KLHL20: variants seen among roughly 807,000 people sequenced by gnomAD.
KLHL20 encodes kelch like family member 20.
KLHL20 carries 29 observed loss-of-function variants against 69.5 expected under a neutral mutation model. The ratio of observed to expected loss-of-function variants is 0.42; its 90% CI spans 0.31 to 0.57. The LOEUF (loss-of-function observed/expected upper bound fraction) is 0.57, where lower values mean the gene tolerates loss of function less well. Ranked by LOEUF, KLHL20 falls within the 20% of genes least tolerant of loss-of-function variation. The pLI, the probability that KLHL20 is intolerant of heterozygous loss-of-function variation, is 0.18. For missense variants in KLHL20, 419 were observed against 776.0 expected, an observed-to-expected ratio of 0.54 and a Z score of 5.47; for synonymous variants, 253 against 265.2, an observed-to-expected ratio of 0.95 and a Z score of 0.45.
rs1190612658 is a variant in KLHL20, at chr1:173,785,650, A to AT, written c.*405dup. 1.3e-5 allele frequency: 2 copies of AT among 152,408 alleles called. No homozygotes were observed. The highest frequency in any genetic ancestry group is 4.8e-5 in the African/African-American group (2 of 41,450). The allele number at this position is 152,408 out of a possible 1,614,324, so 9.4% of individuals were successfully genotyped here. On this transcript the variant is annotated 3_prime_UTR_variant, in exon 12 of 12. Transcript: ENST00000209884. ...TATTTCTAGACACTCCATCCACATG[A>AT]TTCCACTAACAAGGATTACCAGGAA...
intron 2 of KLHL20, among the ~76,000 whole-genome samples, chr1:173,722,771 C>T (rs1250801066): frequency 6.6e-6 from 1 of 150,392 alleles, no homozygotes; most frequent in Admixed American, 6.7e-5. Flanking sequence ...TTCACCGCAA[C>T]CTCTGCCTCC....
chr1:173,727,062 G>A (rs895008164), intron 2 of KLHL20, among the ~76,000 whole-genome samples: 2 of 152,146 alleles, frequency 1.3e-5, no homozygotes, highest in Non-Finnish European at 2.9e-5. Context: ...AGGACCTGAT[G>A]GAGCTGAAAA....
intron 2 of KLHL20, among the ~76,000 whole-genome samples, chr1:173,716,436 C>T (rs1671473573): frequency 6.6e-6 from 1 of 152,066 alleles, no homozygotes; most frequent in Non-Finnish European, 1.5e-5. Context: ...TTATAATATA[C>T]TGTACTGCAT....
chr1:173,733,689 C>G (rs1437315029), intron 2 of KLHL20, 24 bp from the exon 3 acceptor site: 2 of 1,535,946 alleles, frequency 1.3e-6, no homozygotes, highest in Non-Finnish European at 1.8e-6. Flanking sequence ...GCCATCTTCT[C>G]TCTCTCCCCC....
intron 5 of KLHL20, among the ~76,000 whole-genome samples, 191 bp from the exon 6 acceptor site, chr1:173,755,732 C>T (rs1673522777): frequency 1.3e-5 from 2 of 152,174 alleles, no homozygotes; most frequent in Admixed American, 1.3e-4. Flanking sequence ...AAATACCAAT[C>T]AATTCACAAC....
intron 2 of KLHL20, among the ~76,000 whole-genome samples, chr1:173,730,578 T>C (rs1318975329): frequency 6.6e-6 from 1 of 151,632 alleles, no homozygotes; most frequent in Non-Finnish European, 1.5e-5. Context: ...TATCTACAAC[T>C]ATCTGATCTT....
chr1:173,736,325 T>C (rs1672532073), intron 3 of KLHL20, among the ~76,000 whole-genome samples: 4 of 152,136 alleles, frequency 2.6e-5, no homozygotes. Flanking sequence ...CTTTATCCAC[T>C]TGTTGATTGA....
At position 173,734,295 on chromosome 1, in the gene KLHL20, C is replaced by T. The variant is rs1672424796; in HGVS notation, c.597+9C>T. The stretch of plus-strand genomic sequence containing the variant: ...AACATAACTTTCAAGAGGTGAGTTG[C>T]ACTTGGTGTTCCAATGCACCCATTT... On this transcript the variant is annotated intron_variant, in intron 3 of 11. Transcript: ENST00000209884. 2.5e-6 allele frequency: 4 copies of T among 1,613,030 alleles called. No homozygotes were observed. The highest frequency in any genetic ancestry group is 1.1e-5 in the South Asian group (1 of 91,030).
chr1:173,779,625 A>G (rs1648721846), intron 10 of KLHL20, among the ~76,000 whole-genome samples: 1 of 152,162 alleles, frequency 6.6e-6, no homozygotes, highest in Non-Finnish European at 1.5e-5. Flanking sequence ...TGCTGGGATT[A>G]TAGACATAAG....
chr1:173,725,246 A>C (rs1329124087), intron 2 of KLHL20, among the ~76,000 whole-genome samples: 1 of 152,250 alleles, frequency 6.6e-6, no homozygotes, highest in African/African-American at 2.4e-5. Flanking sequence ...CATGAATTAC[A>C]GTTATTAAAT....
intron 3 of KLHL20, among the ~76,000 whole-genome samples, chr1:173,741,340 AC>A (rs1274557681): frequency 1.3e-5 from 2 of 152,140 alleles, no homozygotes; most frequent in African/African-American, 4.8e-5. Flanking sequence ...GCCATTTTTT[AC>A]ATATTTTCTA....
intron 11 of KLHL20, among the ~76,000 whole-genome samples, chr1:173,783,697 G>A (rs1479295083): frequency 2.0e-5 from 3 of 151,914 alleles, no homozygotes; most frequent in South Asian, 4.2e-4. Flanking sequence ...ATGAAACCTC[G>A]TCTCTACTAA....
intron 3 of KLHL20, among the ~76,000 whole-genome samples, chr1:173,738,462 A>G (rs942008871): frequency 6.6e-6 from 1 of 152,068 alleles, no homozygotes; most frequent in Non-Finnish European, 1.5e-5. Flanking sequence ...GAGCCACTGC[A>G]CCTGGTCCTG....
At chr1:173,782,085 C>G (rs755423995) in intron 10 of KLHL20, 39 bp from the exon 11 acceptor site, 1 of 1,388,818 alleles carries the variant, frequency 7.2e-7, no homozygotes, top group East Asian at 2.3e-5. Flanking sequence ...TTACGATTGT[C>G]TAGTTTCTTC....
chr1:173,786,452 T>A lies in KLHL20; in HGVS notation c.*1205T>A, dbSNP rs778832179. 31 of 152,626 alleles carry A rather than the reference T, an allele frequency of 2.0e-4. No homozygotes were observed. Among genetic ancestry groups the A allele is most frequent in the Non-Finnish European group, 4.4e-4 (30 of 68,032 alleles). The allele number at this position is 152,626 out of a possible 1,614,324, so 9.5% of individuals were successfully genotyped here. On this transcript the variant is annotated 3_prime_UTR_variant, in exon 12 of 12. Coordinates refer to ENST00000209884, the MANE Select transcript of KLHL20 (RefSeq NM_014458.4). ...CATTGTATTCATAGACAAATTTTTT[T>A]CAATATATTTTGCAAGAAAAATCTT...
intron 2 of KLHL20, among the ~76,000 whole-genome samples, chr1:173,721,980 C>A (rs774900532): frequency 6.6e-5 from 10 of 152,058 alleles, no homozygotes; most frequent in Non-Finnish European, 1.3e-4. Flanking sequence ...ATTTAGATAG[C>A]GTATTAGTCC....
chr1:173,715,407 A>C (rs1211256097), intron 1 of KLHL20: 2 of 152,290 alleles, frequency 1.3e-5, no homozygotes, highest in African/African-American at 4.8e-5. Flanking sequence ...CCCCCATTTA[A>C]CCCTCGGGAC....
In KLHL20 at chr1:173,786,499, A is replaced by G. The variant is rs1649208168; in HGVS notation, c.*1252A>G. 6.6e-6 allele frequency: 1 copy of G among 152,628 alleles called. No individual in the cohort carries two copies. Among genetic ancestry groups the G allele is most frequent in the Admixed American group, 6.5e-5 (1 of 15,276 alleles). The allele number at this position is 152,628 out of a possible 1,614,324, so 9.5% of individuals were successfully genotyped here. Reference sequence around the variant, plus strand: ...TCTTTGAATAAGACTAACTGCATTTAAAAGGAATAACCTCCTTCTCCCTTT... The same window carrying G: ...TCTTTGAATAAGACTAACTGCATTTGAAAGGAATAACCTCCTTCTCCCTTT... On this transcript the variant is annotated 3_prime_UTR_variant, in exon 12 of 12. Coordinates refer to ENST00000209884, the MANE Select transcript of KLHL20 (RefSeq NM_014458.4).
At chr1:173,771,913 G>C (rs1017202630) in intron 8 of KLHL20, among the ~76,000 whole-genome samples, 1 of 152,176 alleles carries the variant, frequency 6.6e-6, no homozygotes, top group Non-Finnish European at 1.5e-5. Context: ...TCTGTTATGT[G>C]TATAAATGTA....
Sources: allele counts gnomAD v4.1 joint callset (sites outside exome capture counted in the v4.1 genomes callset), GRCh38; gene constraint gnomAD v4.1.1; transcripts MANE v1.5; gene names NCBI Gene and HGNC (gene_info 2026-07-23, HGNC 2026-07-21).